Variants in PAPPA2 observed in about 807,000 individuals in gnomAD.
PAPPA2 encodes the protein pappalysin 2, also known as pappalysin-2.
PAPPA2 carries 86 observed loss-of-function variants against 176.4 expected under a neutral mutation model. The ratio of observed to expected loss-of-function variants is 0.49; its 90% CI spans 0.41 to 0.58. PAPPA2 has a LOEUF of 0.58. PAPPA2 is among the 20% of genes least tolerant of loss of function. PAPPA2 has a pLI of 0.00. For synonymous variants in PAPPA2, 809 were observed against 852.2 expected, an observed-to-expected ratio of 0.95 and a Z score of 0.88; for missense variants, 2,073 against 2,256.9, an observed-to-expected ratio of 0.92 and a Z score of 1.65.
intron 21 of PAPPA2, among the ~76,000 whole-genome samples, chr1:176,810,830 C>T (rs565501451): frequency 3.3e-4 from 50 of 152,258 alleles, no homozygotes; most frequent in Admixed American, 2.2e-3. Context: ...GTGCAGGATT[C>T]GCTGGTCTAG....
At chr1:176,747,768 A>G (rs1275180643) in intron 14 of PAPPA2, among the ~76,000 whole-genome samples, 2 of 152,214 alleles carry the variant, frequency 1.3e-5, no homozygotes, top group African/African-American at 4.8e-5. Flanking sequence ...CTGTAAGGCT[A>G]TAATGAGGTG....
At chr1:176,710,294 C>A in intron 11 of PAPPA2, 118 bp downstream of exon 11, 1 of 881,200 alleles carries the variant, frequency 1.1e-6, no homozygotes, top group Non-Finnish European at 1.7e-6. Flanking sequence ...GAGTTAGAAG[C>A]CCTAGGGAAC....
chr1:176,680,454 G>T (rs193191146), intron 4 of PAPPA2, among the ~76,000 whole-genome samples: 2 of 152,202 alleles, frequency 1.3e-5, no homozygotes, highest in Admixed American at 1.3e-4. Flanking sequence ...ACTCTTTTGT[G>T]ATCACGTTTT....
chr1:176,629,547 A>C (rs1320102355), intron 3 of PAPPA2, among the ~76,000 whole-genome samples: 1 of 152,116 alleles, frequency 6.6e-6, no homozygotes, highest in Admixed American at 6.5e-5. Flanking sequence ...TTAAGCTGGG[A>C]TGTAATTCTG....
At chr1:176,470,094 A>G (rs1302749215) in intron 1 of PAPPA2, among the ~76,000 whole-genome samples, 2 of 152,182 alleles carry the variant, frequency 1.3e-5, no homozygotes, top group African/African-American at 4.8e-5. Context: ...TTAAGTCTCC[A>G]AATGCAAATA....
At chr1:176,503,304 C>T (rs192715028) in intron 1 of PAPPA2, among the ~76,000 whole-genome samples, 3 of 152,260 alleles carry the variant, frequency 2.0e-5, no homozygotes, top group Admixed American at 6.5e-5. Flanking sequence ...CTTTAGAGAA[C>T]CCTTTGATTA....
At chr1:176,587,989 C>T (rs1171446574) in intron 2 of PAPPA2, among the ~76,000 whole-genome samples, 1 of 152,188 alleles carries the variant, frequency 6.6e-6, no homozygotes, top group Non-Finnish European at 1.5e-5. Context: ...TGAATCTATA[C>T]ATTACTTTGG....
At chr1:176,472,650 AT>A (rs1427915270) in intron 1 of PAPPA2, among the ~76,000 whole-genome samples, 2 of 152,146 alleles carry the variant, frequency 1.3e-5, no homozygotes, top group African/African-American at 2.4e-5. Context: ...GAGCTACAAA[AT>A]ATATATTTTT....
chr1:176,645,106 T>A (rs145628773), intron 3 of PAPPA2, among the ~76,000 whole-genome samples: 267 of 151,988 alleles, frequency 1.8e-3, no homozygotes, highest in Middle Eastern at 3.4e-3. Context: ...ATTTGAATTA[T>A]TCTTTTTTAG....
chr1:176,809,611 G>T (rs2102960403), intron 21 of PAPPA2, among the ~76,000 whole-genome samples: 1 of 152,238 alleles, frequency 6.6e-6, no homozygotes, highest in South Asian at 2.1e-4. Context: ...GGATGCAGAG[G>T]CCAATATATA....
rs2102818586 is a variant in PAPPA2 at position 176,699,449 on chromosome 1, T to C, written c.3096T>C (p.Asp1032=). 1 of 1,614,136 alleles carries C rather than the reference T, an allele frequency of 6.2e-7. No homozygotes were observed. The change falls in exon 8 of 23, where the codon GAT becomes GAC. Residue 1032 remains aspartate (D), a synonymous_variant. Coordinates refer to ENST00000367662, the MANE Select transcript of PAPPA2 (RefSeq NM_020318.3). ...CCTTTGATGAGAGGATAGAGATTGA[T>C]GCAGCACTCCTGACTTCTCAGCCCC... is the stretch of plus-strand genomic sequence containing the variant. ...VYTFDERIEI[D]AALLTSQPHS...
At chr1:176,739,509 A>T (rs1279255121) in intron 12 of PAPPA2, 117 bp from the exon 13 acceptor site, 3 of 1,135,818 alleles carry the variant, frequency 2.6e-6, no homozygotes, top group Non-Finnish European at 3.7e-6. Flanking sequence ...TTATAAAAAA[A>T]ATGGAAGCTC....
intron 21 of PAPPA2, among the ~76,000 whole-genome samples, chr1:176,803,290 GT>G (rs1400409218): frequency 5.9e-5 from 9 of 152,164 alleles, no homozygotes; most frequent in Non-Finnish European, 1.3e-4. Flanking sequence ...CGCATTGAGT[GT>G]CATGCCTGGC....
chr1:176,817,092 G>T (rs540953085), intron 21 of PAPPA2, among the ~76,000 whole-genome samples: 1 of 152,172 alleles, frequency 6.6e-6, no homozygotes, highest in South Asian at 2.1e-4. Flanking sequence ...AAGCGCTAGG[G>T]GATCAGAGAA....
In PAPPA2 at chr1:176,623,630, A is replaced by ACTTTCTTTCTTT. The variant is rs200126031; in HGVS notation, c.1991+28064_1991+28075dup. On this transcript the variant is annotated intron_variant, in intron 3 of 22. Transcript: ENST00000367662. ...TCCTTCCTTCCTTCCTTCCTTTTTTACTTTCTTTCTTTCTTTCTTTCTTTC... is the reference window on the plus strand; with the variant it reads ...TCCTTCCTTCCTTCCTTCCTTTTTTACTTTCTTTCTTTCTTTCTTTCTTTCTTTCTTTCTTTC... Among the ~76,000 whole-genome samples, 509 of 83,840 alleles carry ACTTTCTTTCTTT rather than the reference A, an allele frequency of 6.1e-3. 10 individuals are homozygous for ACTTTCTTTCTTT. Among genetic ancestry groups the ACTTTCTTTCTTT allele is most frequent in the African/African-American group, 0.012 (170 of 14,644 alleles). The allele number at this position is 83,840 out of a possible 152,430, so 55.0% of individuals were successfully genotyped here. A position where few individuals can be genotyped will look rare whatever the true frequency, so the allele number is the denominator to read the frequency against.
chr1:176,837,852 T>A (rs1667334129), intron 21 of PAPPA2, among the ~76,000 whole-genome samples: 1 of 152,226 alleles, frequency 6.6e-6, no homozygotes, highest in Non-Finnish European at 1.5e-5. Flanking sequence ...CCTTTCCTAT[T>A]TTTTCATTGT....
chr1:176,624,603 G>C (rs891208070), intron 3 of PAPPA2, among the ~76,000 whole-genome samples: 2 of 151,950 alleles, frequency 1.3e-5, no homozygotes, highest in African/African-American at 4.8e-5. Flanking sequence ...AACACATCAA[G>C]CTTCTTCCCA....
chr1:176,649,736 G>GT (rs1657608180), intron 3 of PAPPA2, among the ~76,000 whole-genome samples: 1 of 151,306 alleles, frequency 6.6e-6, no homozygotes, highest in South Asian at 2.1e-4. Flanking sequence ...TTAATTTCTA[G>GT]TTTTATTCCA....
At chr1:176,511,413 A>G (rs996448954) in intron 1 of PAPPA2, among the ~76,000 whole-genome samples, 14 of 152,214 alleles carry the variant, frequency 9.2e-5, no homozygotes, top group South Asian at 2.1e-4. Flanking sequence ...TACAGTGAAT[A>G]TCATACTTAA....
Sources: allele counts gnomAD v4.1 joint callset (sites outside exome capture counted in the v4.1 genomes callset), GRCh38; gene constraint gnomAD v4.1.1; transcripts MANE v1.5; gene names NCBI Gene and HGNC (gene_info 2026-07-23, HGNC 2026-07-21).